EYS: variants seen among roughly 807,000 people sequenced by gnomAD.
The protein encoded by EYS is EGF-like photoreceptor maintenance factor, also known as protein eyes shut homolog.
A neutral mutation model predicts 282.1 loss-of-function variants in EYS; 250 were observed. The ratio of observed to expected loss-of-function variants is 0.89; its 90% CI spans 0.80 to 0.98. The LOEUF is 0.98. Among genes scored for constraint, EYS ranks in the 50% least tolerant of loss-of-function variants. The probability of loss-of-function intolerance (pLI) is 0.00; values close to 1 mark genes in which losing one functional copy is unlikely to be tolerated. For synonymous variants in EYS, 1,355 were observed against 1,282.9 expected (o/e 1.06, Z -1.20); for missense variants, 4,016 against 3,709.0 (o/e 1.08, Z -2.15).
chr6:65,248,276 C>A (rs1020895649), intron 12 of EYS, among the ~76,000 whole-genome samples: 1 of 151,998 alleles, frequency 6.6e-6, no homozygotes, highest in Non-Finnish European at 1.5e-5. Context: ...ATCAATGTAT[C>A]ATTTAGTGAA....
chr6:64,105,905 C>T (rs537051485), intron 31 of EYS, among the ~76,000 whole-genome samples: 1 of 152,272 alleles, frequency 6.6e-6, no homozygotes, highest in South Asian at 2.1e-4. Context: ...CATGGCATAT[C>T]TGTCTCCATC....
chr6:65,094,353 A>C (rs1774672739), intron 12 of EYS, among the ~76,000 whole-genome samples: 1 of 150,942 alleles, frequency 6.6e-6, no homozygotes, highest in Non-Finnish European at 1.5e-5. Flanking sequence ...CGAGGACTAA[A>C]ACAATACTAT....
intron 14 of EYS, among the ~76,000 whole-genome samples, chr6:64,970,384 G>A (rs1316878427): frequency 1.3e-5 from 2 of 152,116 alleles, no homozygotes; most frequent in African/African-American, 4.8e-5. Flanking sequence ...TTTTAGTAGA[G>A]ATGGGGTTTC....
intron 12 of EYS, among the ~76,000 whole-genome samples, chr6:65,271,163 T>TATATATATATATATATATATATATATA (rs1273810725): frequency 7.2e-6 from 1 of 138,194 alleles, no homozygotes; most frequent in African/African-American, 2.7e-5. Context: ...TGAAGATTTA[T>TATATATATATATATATATATATATATA]TATAAGAAAT....
chr6:64,829,186 G>A (rs1765144978), intron 19 of EYS, among the ~76,000 whole-genome samples: 1 of 151,980 alleles, frequency 6.6e-6, no homozygotes, highest in Non-Finnish European at 1.5e-5. Flanking sequence ...TCTCTGCAAT[G>A]CATGTTAATG....
intron 30 of EYS, among the ~76,000 whole-genome samples, chr6:64,292,353 A>G (rs979904028): frequency 6.6e-6 from 1 of 152,174 alleles, no homozygotes; most frequent in African/African-American, 2.4e-5. Context: ...TAGCAAAAAT[A>G]TTAGTCCTGG....
At chr6:64,386,793 CT>C (rs796870713) in intron 29 of EYS, among the ~76,000 whole-genome samples, 94 of 152,190 alleles carry the variant, frequency 6.2e-4, no homozygotes, top group African/African-American at 2.1e-3. Flanking sequence ...TTCTCCCACC[CT>C]TATTGCCAAA....
chr6:64,560,720 A>T (rs1379197375), intron 26 of EYS, among the ~76,000 whole-genome samples: 2 of 152,148 alleles, frequency 1.3e-5, no homozygotes, highest in Non-Finnish European at 1.5e-5. Context: ...TAAAAAATAA[A>T]GTTTGTTATA....
chr6:64,942,295 A>T (rs1461675207), intron 15 of EYS, among the ~76,000 whole-genome samples: 2 of 145,484 alleles, frequency 1.4e-5, no homozygotes. Flanking sequence ...CTAATGATCC[A>T]ATATCATACT....
intron 33 of EYS, among the ~76,000 whole-genome samples, chr6:64,047,444 A>G (rs1356599102): frequency 6.6e-6 from 1 of 152,174 alleles, no homozygotes; most frequent in East Asian, 1.9e-4. Context: ...TTTCAAGTGG[A>G]TGCTTTTAGA....
chr6:65,279,085 G>A (rs1768145492), intron 12 of EYS, among the ~76,000 whole-genome samples: 1 of 152,048 alleles, frequency 6.6e-6, no homozygotes, highest in African/African-American at 2.4e-5. Context: ...CTAATCAGGA[G>A]GCTGAGGTGA....
intron 41 of EYS, among the ~76,000 whole-genome samples, chr6:63,737,831 A>G (rs1195554951): frequency 6.6e-6 from 1 of 152,102 alleles, no homozygotes; most frequent in Non-Finnish European, 1.5e-5. Flanking sequence ...TTCGCAACCT[A>G]CTCATCTGAC....
intron 12 of EYS, among the ~76,000 whole-genome samples, chr6:65,233,097 G>T (rs1466131428): frequency 6.6e-6 from 1 of 151,886 alleles, no homozygotes; most frequent in Non-Finnish European, 1.5e-5. Flanking sequence ...TTTAATCTTA[G>T]TGTCCTTTAA....
At chr6:64,627,056 TAAACCATGCTTCAAG>T (rs1241456000) in intron 22 of EYS, among the ~76,000 whole-genome samples, 2 of 152,214 alleles carry the variant, frequency 1.3e-5, no homozygotes, top group Non-Finnish European at 2.9e-5. Context: ...TGTCAGCTGT[TAAACCATGCTTCAAG>T]AACTGATGGA....
chr6:64,198,383 T>C (rs1459863259), intron 31 of EYS, among the ~76,000 whole-genome samples: 2 of 152,114 alleles, frequency 1.3e-5, no homozygotes, highest in African/African-American at 4.8e-5. Context: ...TAGGTATACA[T>C]GTGCCATGGT....
At chr6:65,448,075 T>C (rs1768743562) in intron 5 of EYS, among the ~76,000 whole-genome samples, 2 of 152,174 alleles carry the variant, frequency 1.3e-5, no homozygotes, top group South Asian at 4.1e-4. Context: ...CAAATTTTTC[T>C]TTGTTCAGAC....
At chr6:64,903,158 TAAAC>T (rs970548574) in intron 16 of EYS, among the ~76,000 whole-genome samples, 18 of 152,150 alleles carry the variant, frequency 1.2e-4, no homozygotes, top group Admixed American at 2.6e-4. Flanking sequence ...AATAAACAGT[TAAAC>T]AATTCTATGG....
chr6:64,627,950 G>T (rs1259936891), intron 22 of EYS, among the ~76,000 whole-genome samples: 1 of 152,086 alleles, frequency 6.6e-6, no homozygotes, highest in Non-Finnish European at 1.5e-5. Flanking sequence ...CGTGGTGGCG[G>T]GCTTCTGTAG....
chr6:64,085,098 C>T (rs1772098461), intron 31 of EYS, among the ~76,000 whole-genome samples: 1 of 152,048 alleles, frequency 6.6e-6, no homozygotes, highest in Non-Finnish European at 1.5e-5. Context: ...TAACCCCCGC[C>T]TCCCGAGTAG....
Sources: allele counts gnomAD v4.1 joint callset (sites outside exome capture counted in the v4.1 genomes callset), GRCh38; gene constraint gnomAD v4.1.1; transcripts MANE v1.5; gene names NCBI Gene and HGNC (gene_info 2026-07-23, HGNC 2026-07-21).